ADAMTSL1: variants seen among roughly 807,000 people sequenced by gnomAD.
The protein encoded by ADAMTSL1 is ADAMTS like 1.
A neutral mutation model predicts 201.8 loss-of-function variants in ADAMTSL1; 126 were observed. The observed-to-expected ratio is 0.62, with a 90% CI of 0.54 to 0.72. The LOEUF (loss-of-function observed/expected upper bound fraction) is 0.72, where lower values mean the gene tolerates loss of function less well. Among genes scored for constraint, ADAMTSL1 ranks in the 30% least tolerant of loss-of-function variants. The probability of loss-of-function intolerance (pLI) is 0.00; values close to 1 mark genes in which losing one functional copy is unlikely to be tolerated. For missense variants in ADAMTSL1, 2,679 were observed against 2,277.8 expected (o/e 1.18, Z -3.59); for synonymous variants, 1,121 against 903.4 (o/e 1.24, Z -4.32).
At chr9:18,040,532 G>A (rs1821387402) in intron 1 of ADAMTSL1, among the ~76,000 whole-genome samples, 1 of 152,144 alleles carries the variant, frequency 6.6e-6, no homozygotes, top group South Asian at 2.1e-4. Flanking sequence ...TAGACGAAAT[G>A]TCTGTGCATA....
intron 2 of ADAMTSL1, among the ~76,000 whole-genome samples, chr9:18,511,218 T>G (rs1309959119): frequency 6.6e-6 from 1 of 152,098 alleles, no homozygotes; most frequent in Non-Finnish European, 1.5e-5. Flanking sequence ...CCTTTTTTAC[T>G]TTCTGAAATG....
chr9:18,255,075 C>G (rs144501821), intron 2 of ADAMTSL1, among the ~76,000 whole-genome samples: 1,598 of 152,250 alleles, frequency 0.01, 31 homozygotes, highest in African/African-American at 0.036. Context: ...GTTTCTATAT[C>G]TGACTTGTCT....
chr9:18,890,958 CT>C, intron 25 of ADAMTSL1, among the ~76,000 whole-genome samples: 3 of 152,112 alleles, frequency 2.0e-5, no homozygotes, highest in Admixed American at 2.0e-4. Flanking sequence ...GCTCTGTTTT[CT>C]TGGATTTCAA....
chr9:18,321,272 A>G (rs1366923215), intron 2 of ADAMTSL1, among the ~76,000 whole-genome samples: 1 of 152,232 alleles, frequency 6.6e-6, no homozygotes, highest in African/African-American at 2.4e-5. Flanking sequence ...ATAAATGCAT[A>G]TGAACTTAGT....
intron 2 of ADAMTSL1, among the ~76,000 whole-genome samples, chr9:18,527,843 T>C (rs918370182): frequency 3.2e-4 from 49 of 152,198 alleles, no homozygotes; most frequent in African/African-American, 1.2e-3. Flanking sequence ...TAAGGAATTT[T>C]TGTTGCAAAT....
At chr9:18,504,418 G>A (rs1823011420) in intron 1 of ADAMTSL1, among the ~76,000 whole-genome samples, 1 of 152,222 alleles carries the variant, frequency 6.6e-6, no homozygotes, top group Non-Finnish European at 1.5e-5. Context: ...TTGGGAAGCA[G>A]TTTAGTGTGC....
At chr9:18,014,667 G>A (rs949881573) in intron 1 of ADAMTSL1, among the ~76,000 whole-genome samples, 1 of 152,058 alleles carries the variant, frequency 6.6e-6, no homozygotes, top group Non-Finnish European at 1.5e-5. Context: ...TCAAAGCAAA[G>A]TTGTTAATGC....
intron 2 of ADAMTSL1, among the ~76,000 whole-genome samples, chr9:18,333,054 C>T (rs768822407): frequency 6.6e-6 from 1 of 152,162 alleles, no homozygotes; most frequent in Non-Finnish European, 1.5e-5. Context: ...TCAGAATGGC[C>T]AGAATACCAG....
chr9:18,133,963 G>T (rs1439129839), intron 1 of ADAMTSL1, among the ~76,000 whole-genome samples: 1 of 152,132 alleles, frequency 6.6e-6, no homozygotes, highest in Non-Finnish European at 1.5e-5. Context: ...GGGAAGGGTG[G>T]TATGTTGGAA....
At chr9:18,330,874 C>A (rs1009847996) in intron 2 of ADAMTSL1, among the ~76,000 whole-genome samples, 1 of 152,172 alleles carries the variant, frequency 6.6e-6, no homozygotes, top group African/African-American at 2.4e-5. Flanking sequence ...TACTGAGCAC[C>A]AGTTACATGC....
intron 2 of ADAMTSL1, chr9:18,362,082 C>T (rs1269378314): frequency 1.3e-5 from 2 of 152,118 alleles, no homozygotes; most frequent in Non-Finnish European, 2.9e-5. Context: ...GTTGTGTTTA[C>T]CATTTGAAAT....
intron 20 of ADAMTSL1, among the ~76,000 whole-genome samples, chr9:18,812,694 T>C (rs1823577379): frequency 6.6e-6 from 1 of 152,174 alleles, no homozygotes; most frequent in Admixed American, 6.5e-5. Context: ...TTTAAATCTT[T>C]GATCCATTTT....
At chr9:18,342,309 G>C (rs1349286584) in intron 2 of ADAMTSL1, among the ~76,000 whole-genome samples, 1 of 152,014 alleles carries the variant, frequency 6.6e-6, no homozygotes, top group Non-Finnish European at 1.5e-5. Flanking sequence ...ACAGTATATA[G>C]GTCATTGACT....
intron 2 of ADAMTSL1, among the ~76,000 whole-genome samples, chr9:18,410,970 T>C (rs1012342187): frequency 4.0e-5 from 6 of 151,134 alleles, no homozygotes; most frequent in African/African-American, 1.2e-4. Context: ...GCCTCCAAAG[T>C]ATCTGGGACT....
At chr9:18,734,121 T>G (rs1818375695) in intron 15 of ADAMTSL1, among the ~76,000 whole-genome samples, 1 of 152,210 alleles carries the variant, frequency 6.6e-6, no homozygotes, top group Non-Finnish European at 1.5e-5. Context: ...GGGCTTCAGT[T>G]TCTTCCTCTT....
At chr9:18,320,952 TAAC>T (rs1394031181) in intron 2 of ADAMTSL1, among the ~76,000 whole-genome samples, 11 of 151,960 alleles carry the variant, frequency 7.2e-5, no homozygotes, top group African/African-American at 2.2e-4. Flanking sequence ...AGAAAACAAA[TAAC>T]AAAATAATAG....
chr9:18,252,118 A>T (rs1455115162), intron 2 of ADAMTSL1, among the ~76,000 whole-genome samples: 1 of 152,186 alleles, frequency 6.6e-6, no homozygotes, highest in Non-Finnish European at 1.5e-5. Flanking sequence ...AAGAAGAAAG[A>T]AAAATGAGCG....
chr9:18,466,838 A>G (rs1390957064), intron 2 of ADAMTSL1, among the ~76,000 whole-genome samples: 1 of 152,176 alleles, frequency 6.6e-6, no homozygotes, highest in East Asian at 1.9e-4. Flanking sequence ...AAAATTGAAG[A>G]CCATACAGTG....
At chr9:18,559,068 G>A (rs557144014) in intron 3 of ADAMTSL1, among the ~76,000 whole-genome samples, 58 of 151,980 alleles carry the variant, frequency 3.8e-4, no homozygotes, top group African/African-American at 1.1e-3. Flanking sequence ...TGTTTTAGTC[G>A]TGAAGTCTTT....
Sources: allele counts gnomAD v4.1 joint callset (sites outside exome capture counted in the v4.1 genomes callset), GRCh38; gene constraint gnomAD v4.1.1; transcripts MANE v1.5; gene names NCBI Gene and HGNC (gene_info 2026-07-23, HGNC 2026-07-21).